ZNF414: variants seen among roughly 807,000 people sequenced by gnomAD.
ZNF414 encodes the protein zinc finger protein 414.
Under a neutral mutation model 38.3 loss-of-function variants are expected in ZNF414, and 32 were observed. The observed-to-expected ratio is 0.83, with a 90% confidence interval of 0.63 to 1.12. ZNF414 has a LOEUF of 1.12. Among genes scored for constraint, ZNF414 ranks in the 50% most tolerant of loss-of-function variants. ZNF414 has a pLI of 0.00. For missense variants in ZNF414, 589 were observed against 557.4 expected (o/e 1.06, Z -0.57); for synonymous variants, 256 against 248.0 (o/e 1.03, Z -0.30).
At position 8,511,011 on chromosome 19, in the gene ZNF414, CG is replaced by C; in HGVS notation, c.938del (p.Pro313ArgfsTer28). On this transcript the variant is annotated frameshift_variant, in exon 7 of 8. Transcript: ENST00000393927. LOFTEE classifies it high-confidence loss of function. ...GSDAPSGHAAPSRIVWEHTRG... is the reference protein window; with the variant it reads ...GSDAPSGHAAXSRIVWEHTRG... ...GTGTGTGCTCCCACACGATGCGGCT[CG>C]GGGCCGCGTGCCCTGCGGGCAGGCG... 7.8e-7 allele frequency: 1 copy of C among 1,278,980 alleles called. No homozygotes were observed. Among genetic ancestry groups the C allele is most frequent in the Non-Finnish European group, 9.9e-7 (1 of 1,012,912 alleles). The allele number at this position is 1,278,980 out of a possible 1,614,324, so 79.2% of individuals were successfully genotyped here. A position where few individuals can be genotyped will look rare whatever the true frequency, so the allele number is the denominator to read the frequency against.
At chr19:8,513,516 C>CCCCT (rs1971948319) in intron 1 of ZNF414, among the ~76,000 whole-genome samples, 175 bp from the exon 2 acceptor site, 1 of 152,160 alleles carries the variant, frequency 6.6e-6, no homozygotes, top group African/African-American at 2.4e-5. Context: ...TGGTCTTGAA[C>CCCCT]CCCTGGTCTC....
At position 8,510,227 on chromosome 19, in the gene ZNF414, T is replaced by C. The variant is rs1368809685; in HGVS notation, c.*464A>G. ...ATGGCGTGAACCCAGGAGGTGGAGC[T>C]TGCAGTGAGAGGAGATTGTGCCACT... On this transcript the variant is annotated 3_prime_UTR_variant, in exon 8 of 8. Transcript: ENST00000393927. 6.7e-6 allele frequency: 1 copy of C among 149,314 alleles called. No individual in the cohort carries two copies. Among genetic ancestry groups the C allele is most frequent in the African/African-American group, 2.5e-5 (1 of 40,390 alleles). The allele number at this position is 149,314 out of a possible 1,614,324, so 9.2% of individuals were successfully genotyped here. A position where few individuals can be genotyped will look rare whatever the true frequency, so the allele number is the denominator to read the frequency against.
chr19:8,512,585 T>C lies in ZNF414; in HGVS notation c.424+19A>G. ...TTTCCCACCCTAACCTGCCTCCCCA[T>C]TACCAGTCCTGGCCCTACCTTCCAG... On this transcript the variant is annotated intron_variant, in intron 3 of 7. Transcript: ENST00000393927. The C allele has an allele frequency of 6.3e-7, 1 of 1,594,118 alleles. No individual in the cohort carries two copies. Among genetic ancestry groups the C allele is most frequent in the Non-Finnish European group, 8.6e-7 (1 of 1,168,766 alleles).
In ZNF414 at chr19:8,511,687, G is replaced by A. The variant is rs769160479; in HGVS notation, c.804C>T (p.Arg268=). The A allele has an allele frequency of 3.3e-6, 5 of 1,492,846 alleles. No individual in the cohort carries two copies. The highest frequency in any genetic ancestry group is 4.4e-6 in the Non-Finnish European group (5 of 1,126,748). The allele number at this position is 1,492,846 out of a possible 1,614,324, so 92.5% of individuals were successfully genotyped here. A position where few individuals can be genotyped will look rare whatever the true frequency, so the allele number is the denominator to read the frequency against. ...NPAPFGLSPP[R]LRPFLAAAPG... ...GTGCAGCGGCCAGGAAGGGGCGCAG[G>A]CGCGGGGGGCTTAGGCCAAAGGGCG... Residue 268 remains arginine, a synonymous_variant, in exon 5 of 8, where the codon CGC becomes CGT. Transcript: ENST00000393927.
intron 2 of ZNF414, 127 bp downstream of exon 2, chr19:8,512,902 C>T: frequency 7.8e-7 from 1 of 1,290,064 alleles, no homozygotes; most frequent in South Asian, 1.6e-5. Context: ...AGCCTGGCAT[C>T]CACCGGCTGC....
intron 4 of ZNF414, chr19:8,512,170 G>A (rs1396035239): frequency 1.4e-6 from 2 of 1,426,458 alleles, no homozygotes; most frequent in South Asian, 1.5e-5. Context: ...TTTAAGTTAG[G>A]CGGCCGGTTT....
At position 8,511,011 on chromosome 19, in the gene ZNF414, C is replaced by T. The variant is rs1158211461; in HGVS notation, c.939G>A (p.Pro313=). Reference sequence around the variant, plus strand: ...GTGTGTGCTCCCACACGATGCGGCTCGGGGCCGCGTGCCCTGCGGGCAGGC... The same window carrying T: ...GTGTGTGCTCCCACACGATGCGGCTTGGGGCCGCGTGCCCTGCGGGCAGGC... ...GSDAPSGHAA[P]SRIVWEHTRG... The change falls in exon 7 of 8, where the codon CCG becomes CCA. Residue 313 remains proline (P), a synonymous_variant. Coordinates refer to ENST00000393927, the MANE Select transcript of ZNF414 (RefSeq NM_001146175.2). 21 of 1,278,878 alleles carry T rather than the reference C, an allele frequency of 1.6e-5. No homozygotes were observed. Among genetic ancestry groups the T allele is most frequent in the Non-Finnish European group, 2.1e-5 (21 of 1,012,922 alleles). The allele number at this position is 1,278,878 out of a possible 1,614,324, so 79.2% of individuals were successfully genotyped here.
Position 8,511,451 on chromosome 19 carries a change from C to T in ZNF414, c.925+35G>A, listed in dbSNP as rs778798938. Reference sequence around the variant, plus strand: ...CCCCGCAGGGCGCAGGAAAGAAAGCCCCTCCACCCCTCCCTGGTGGTCACC... The same window carrying T: ...CCCCGCAGGGCGCAGGAAAGAAAGCTCCTCCACCCCTCCCTGGTGGTCACC... On this transcript the variant is annotated intron_variant, in intron 6 of 7. Coordinates refer to ENST00000393927, the MANE Select transcript of ZNF414 (RefSeq NM_001146175.2). 24 of 1,606,262 alleles carry T rather than the reference C, an allele frequency of 1.5e-5. No homozygotes were observed. In the South Asian group the frequency reaches 2.1e-4, roughly 14 times the overall value.
In ZNF414 at chr19:8,511,943, A is replaced by C; in HGVS notation, c.548T>G (p.Leu183Arg). 7.1e-7 allele frequency: 1 copy of C among 1,417,498 alleles called. No homozygotes were observed. 87.8% of individuals were successfully genotyped at this position (1,417,498 alleles called of 1,614,324 possible). The change falls in exon 5 of 8, where the codon CTG (leucine) becomes CGG (arginine). Residue 183 changes from leucine to arginine, a missense_variant. By Grantham distance (102) the Leu-to-Arg change is moderately radical. Transcript: ENST00000393927. The stretch of plus-strand genomic sequence containing the variant: ...GAGCGAGCGGTGCGTGCGGAAGCGC[A>C]GGAGGCAGTTCTCACACCTGGAGGT... Reference protein sequence around the residue: ...NRYFKCENCLLRFRTHRSLFK... With the variant: ...NRYFKCENCLRRFRTHRSLFK...
chr19:8,511,327 G>A, intron 6 of ZNF414, 159 bp downstream of exon 6: 4 of 1,447,222 alleles, frequency 2.8e-6, no homozygotes, highest in Admixed American at 2.7e-5. Flanking sequence ...AGGCGCAGGT[G>A]CCAGTCATTT....
intron 6 of ZNF414, chr19:8,511,254 G>A (rs1292024056): frequency 5.8e-6 from 8 of 1,384,416 alleles, no homozygotes; most frequent in Non-Finnish European, 7.5e-6. Context: ...TTGGGGAGAA[G>A]CCCGCTCCGA....
intron 6 of ZNF414, 149 bp downstream of exon 6, chr19:8,511,337 T>C (rs1971909970): frequency 6.9e-7 from 1 of 1,454,142 alleles, no homozygotes. Context: ...GCCAGTCATT[T>C]TTAAGGCAAA....
In ZNF414 at chr19:8,513,043, C is replaced by T. The variant is rs923691219; in HGVS notation, c.302G>A (p.Arg101Gln). Residue 101 changes from arginine to glutamine, a missense_variant, in exon 2 of 8, where the codon CGA becomes CAA. Physicochemically the swap from Arg to Gln is conservative, Grantham distance 43 (BLOSUM62 1). Coordinates refer to ENST00000393927, the MANE Select transcript of ZNF414 (RefSeq NM_001146175.2). ...TCACAGATCACCTGGAGGTGGGCGTCGTCTGGGAGGCCGCAGGTCCTCGCT... is the reference window on the plus strand; with the variant it reads ...TCACAGATCACCTGGAGGTGGGCGTTGTCTGGGAGGCCGCAGGTCCTCGCT... ...GTSEDLRPPR[R>Q]RPPPGKQIPC... 2 of 1,465,466 alleles carry T rather than the reference C, an allele frequency of 1.4e-6. No homozygotes were observed. Among genetic ancestry groups the T allele is most frequent in the South Asian group, 1.4e-5 (1 of 71,756 alleles). The allele number at this position is 1,465,466 out of a possible 1,614,324, so 90.8% of individuals were successfully genotyped here. A position where few individuals can be genotyped will look rare whatever the true frequency, so the allele number is the denominator to read the frequency against.
In ZNF414 at chr19:8,512,644, C is replaced by T; in HGVS notation, c.384G>A (p.Gln128=). 6.3e-7 allele frequency: 1 copy of T among 1,593,202 alleles called. No homozygotes were observed. Among genetic ancestry groups the T allele is most frequent in the Admixed American group, 1.8e-5 (1 of 56,256 alleles). ...LSFPSVRDLA[Q]HLRTHCPPTQ... ...TGGGCGGGCAGTGGGTTCGCAGATG[C>T]TGTGCCAGGTCACGGACGCTGGGAA... Residue 128 remains glutamine (Q), a synonymous_variant, in exon 3 of 8, where the codon CAG becomes CAA. Transcript: ENST00000393927.
In ZNF414 at chr19:8,510,491, A is replaced by T; in HGVS notation, c.*200T>A. 2.1e-6 allele frequency: 1 copy of T among 474,178 alleles called. No individual in the cohort carries two copies. The highest frequency in any genetic ancestry group is 3.6e-6 in the Non-Finnish European group (1 of 277,066). The allele number at this position is 474,178 out of a possible 1,614,324, so 29.4% of individuals were successfully genotyped here. A position where few individuals can be genotyped will look rare whatever the true frequency, so the allele number is the denominator to read the frequency against. On this transcript the variant is annotated 3_prime_UTR_variant, in exon 8 of 8. Transcript: ENST00000393927. ...CTGTGAGGCCTGCACCTGTGGACCCAGGTGGTCCTCCCAAGATGTGATCAA... is the reference window on the plus strand; with the variant it reads ...CTGTGAGGCCTGCACCTGTGGACCCTGGTGGTCCTCCCAAGATGTGATCAA...
chr19:8,511,638 C>CG lies in ZNF414; in HGVS notation c.852dup (p.Ala285ArgfsTer142). ...TCACCTTGGCTCTTTTTCCAGACGG[C>CG]GGCGCTGGAAGCCGGCGGCCCGGGT... On this transcript the variant is annotated frameshift_variant, in exon 5 of 8. Coordinates refer to ENST00000393927, the MANE Select transcript of ZNF414 (RefSeq NM_001146175.2). LOFTEE classifies it high-confidence loss of function. The CG allele has an allele frequency of 6.6e-7, 1 of 1,506,604 alleles. No individual in the cohort carries two copies. Among genetic ancestry groups the CG allele is most frequent in the Non-Finnish European group, 8.8e-7 (1 of 1,132,094 alleles). The allele number at this position is 1,506,604 out of a possible 1,614,324, so 93.3% of individuals were successfully genotyped here. A position where few individuals can be genotyped will look rare whatever the true frequency, so the allele number is the denominator to read the frequency against.
chr19:8,512,109 T>G, intron 4 of ZNF414, 149 bp from the exon 5 acceptor site: 1 of 1,424,356 alleles, frequency 7.0e-7, no homozygotes, highest in Non-Finnish European at 9.1e-7. Flanking sequence ...CAGCGACCCT[T>G]CCTGACCACT....
chr19:8,512,632 G>C lies in ZNF414; in HGVS notation c.396C>G (p.Thr132=). The C allele has an allele frequency of 6.3e-7, 1 of 1,593,038 alleles. No homozygotes were observed. The highest frequency in any genetic ancestry group is 1.7e-4 in the Middle Eastern group (1 of 5,978). Residue 132 remains threonine, a synonymous_variant, in exon 3 of 8, where the codon ACC becomes ACG. Transcript: ENST00000393927. ...SVRDLAQHLR[T]HCPPTQSLEG... is the part of the protein sequence containing the mutation. ...CCAGGGACTGTGTGGGCGGGCAGTG[G>C]GTTCGCAGATGCTGTGCCAGGTCAC...
intron 4 of ZNF414, 66 bp downstream of exon 4, chr19:8,512,321 A>C: frequency 6.3e-7 from 1 of 1,584,604 alleles, no homozygotes; most frequent in East Asian, 2.2e-5. Context: ...GGAAGGGAGG[A>C]AGGCCTGGAG....
Sources: gnomAD v4.1 joint callset for allele counts (sites outside exome capture counted in the v4.1 genomes callset) on GRCh38, gnomAD v4.1.1 for gene constraint, MANE v1.5 for transcripts, NCBI Gene and HGNC (gene_info 2026-07-23, HGNC 2026-07-21) for gene names.